LAMA2: variants seen among roughly 807,000 people sequenced by gnomAD.
The protein encoded by LAMA2 is laminin subunit alpha 2, also known as laminin subunit alpha-2.
Under a neutral mutation model 364.8 loss-of-function variants are expected in LAMA2, and 269 were observed. That is an observed-to-expected ratio of 0.74 (90% CI 0.67 to 0.82). The LOEUF (loss-of-function observed/expected upper bound fraction) is 0.82. Among genes scored for constraint, LAMA2 ranks in the 40% least tolerant of loss-of-function variants. The probability of loss-of-function intolerance (pLI) is 0.00; values close to 1 mark genes in which losing one functional copy is unlikely to be tolerated. For synonymous variants in LAMA2, 1,379 were observed against 1,370.6 expected (o/e 1.01, Z -0.14); for missense variants, 3,807 against 3,873.2 (o/e 0.98, Z 0.45).
At chr6:129,383,073 A>T in intron 34 of LAMA2, 49 bp from the exon 35 acceptor site, 2 of 1,427,534 alleles carry the variant, frequency 1.4e-6, no homozygotes, top group Middle Eastern at 1.7e-4. Flanking sequence ...ATCTAGCTGT[A>T]GCTTCATCAT....
At chr6:129,364,037 CTT>C (rs1277741669) in intron 32 of LAMA2, among the ~76,000 whole-genome samples, 1 of 152,164 alleles carries the variant, frequency 6.6e-6, no homozygotes, top group African/African-American at 2.4e-5. Context: ...TCCAAAGCCT[CTT>C]TGTTCATTCA....
intron 47 of LAMA2, among the ~76,000 whole-genome samples, chr6:129,455,440 A>G (rs896305104): frequency 1.3e-5 from 2 of 152,166 alleles, no homozygotes; most frequent in African/African-American, 4.8e-5. Context: ...CTTTCAGAAA[A>G]GATACATTCT....
chr6:129,017,635 T>C (rs1265999380), intron 1 of LAMA2, among the ~76,000 whole-genome samples: 2 of 152,066 alleles, frequency 1.3e-5, no homozygotes, highest in African/African-American at 4.8e-5. Flanking sequence ...ATTACTGCCA[T>C]TGACTAGCCA....
At chr6:129,452,897 G>A (rs2114788266) in intron 45 of LAMA2, 91 bp from the exon 46 acceptor site, 1 of 1,143,760 alleles carries the variant, frequency 8.7e-7, no homozygotes, top group East Asian at 2.4e-5. Context: ...CTTCAAAGAA[G>A]AAACGATGAT....
At chr6:128,905,704 T>A (rs1777410291) in intron 1 of LAMA2, 1 of 152,004 alleles carries the variant, frequency 6.6e-6, no homozygotes, top group African/African-American at 2.4e-5. Context: ...TACATATGTA[T>A]ACATGTGCCA....
In LAMA2 at chr6:129,098,320, A is replaced by G. The variant is rs757248849; in HGVS notation, c.544A>G (p.Ile182Val). ...CACGGAGTGCCTAACGCTTTACAAT[A>G]TTTATCCCCGCACTGGGCCACCGTC... The part of the protein sequence containing the change: ...TDTECLTLYN[I>V]YPRTGPPSYA... The change falls in exon 4 of 65, where the codon ATT becomes GTT. Residue 182 changes from isoleucine (I) to valine (V), a missense_variant. Around this residue, in one of 3 missense-constraint regions of LAMA2, gnomAD observed 394 missense variants for 403.5 expected, o/e 0.98. Coordinates refer to ENST00000421865, the MANE Select transcript of LAMA2 (RefSeq NM_000426.4). The G allele has an allele frequency of 6.2e-7, 1 of 1,614,058 alleles. No homozygotes were observed. The highest frequency in any genetic ancestry group is 8.5e-7 in the Non-Finnish European group (1 of 1,180,002).
intron 1 of LAMA2, among the ~76,000 whole-genome samples, chr6:128,995,228 A>G (rs1729405669): frequency 6.6e-6 from 1 of 152,216 alleles, no homozygotes; most frequent in African/African-American, 2.4e-5. Context: ...ATCAGGGAGT[A>G]CATGTGCAGG....
intron 12 of LAMA2, among the ~76,000 whole-genome samples, chr6:129,198,922 T>C (rs1782010158): frequency 1.3e-5 from 2 of 152,130 alleles, no homozygotes; most frequent in South Asian, 4.1e-4. Context: ...GCAAGTAATA[T>C]CAATCAAAAT....
chr6:128,887,893 C>CAA (rs1280848694), intron 1 of LAMA2, among the ~76,000 whole-genome samples: 2 of 151,928 alleles, frequency 1.3e-5, no homozygotes, highest in African/African-American at 2.4e-5. Context: ...CAAAACAAAA[C>CAA]AAAAATTTAA....
intron 29 of LAMA2, among the ~76,000 whole-genome samples, chr6:129,333,163 A>T (rs949781840): frequency 1.3e-5 from 2 of 152,146 alleles, no homozygotes; most frequent in African/African-American, 4.8e-5. Flanking sequence ...AAGTTCAGGG[A>T]TTACAGGCAT....
At chr6:129,011,478 C>T (rs1324908444) in intron 1 of LAMA2, among the ~76,000 whole-genome samples, 2 of 152,078 alleles carry the variant, frequency 1.3e-5, no homozygotes. Context: ...ATCAAATAAC[C>T]GTGACTTGTC....
chr6:129,314,306 G>A (rs372389941), intron 23 of LAMA2, among the ~76,000 whole-genome samples: 105 of 148,952 alleles, frequency 7.0e-4, no homozygotes, highest in African/African-American at 2.3e-3. Flanking sequence ...GGCTGAGGCC[G>A]GAGAATGGTG....
intron 9 of LAMA2, among the ~76,000 whole-genome samples, chr6:129,175,708 G>A (rs1425303394): frequency 1.3e-5 from 2 of 152,090 alleles, no homozygotes; most frequent in African/African-American, 4.8e-5. Context: ...GGGGTCTAGG[G>A]GAGGAACAGC....
intron 1 of LAMA2, among the ~76,000 whole-genome samples, chr6:128,944,391 A>G (rs1006008486): frequency 6.2e-4 from 95 of 152,354 alleles, no homozygotes; most frequent in African/African-American, 2.2e-3. Context: ...AAATCTGGAA[A>G]ATATAAACCT....
At chr6:128,982,272 A>T (rs779684833) in intron 1 of LAMA2, among the ~76,000 whole-genome samples, 20 of 152,160 alleles carry the variant, frequency 1.3e-4, no homozygotes, top group Non-Finnish European at 2.4e-4. Context: ...AAACACCAAC[A>T]CAGGTTTGTT....
rs879157624 is a variant in LAMA2 at position 129,366,423 on chromosome 6, A to G, written c.4860+62A>G. 5 of 1,554,012 alleles carry G rather than the reference A, an allele frequency of 3.2e-6. No individual in the cohort carries two copies. The Admixed American group carries it at 7.0e-5, about 22-fold the overall frequency. On this transcript the variant is annotated intron_variant, in intron 33 of 64. Coordinates refer to ENST00000421865, the MANE Select transcript of LAMA2 (RefSeq NM_000426.4). ...AGGTGACAGAAGCTTCACAAGCGGT[A>G]TTGGCTGTAATTGGTAAATGTTCTT...
intron 15 of LAMA2, 143 bp downstream of exon 15, chr6:129,260,965 T>A (rs1413806901): frequency 3.1e-6 from 2 of 654,888 alleles, no homozygotes; most frequent in African/African-American, 1.8e-5. Context: ...CTTGAATATC[T>A]ACCAAAAGCT....
rs1303773212 is a variant in LAMA2 at position 129,192,728 on chromosome 6, C to T, written c.1657C>T (p.Arg553Ter). The change falls in exon 12 of 65, where the codon CGA becomes TGA. Residue 553 changes from arginine to a stop codon, truncating the protein, a stop_gained. Coordinates refer to ENST00000421865, the MANE Select transcript of LAMA2 (RefSeq NM_000426.4). LOFTEE classifies it high-confidence loss of function. ...TCTGACTGACCTTCCTGGCCGCATTCGAGTGGCTCCCCAGCAGGACGACTT... is the reference window on the plus strand; with the variant it reads ...TCTGACTGACCTTCCTGGCCGCATTTGAGTGGCTCCCCAGCAGGACGACTT... ...WYLTDLPGRI[R>*]VAPQQDDLDS... is the part of the protein sequence containing the mutation. 3.1e-6 allele frequency: 5 copies of T among 1,614,162 alleles called. No individual in the cohort carries two copies. The highest frequency in any genetic ancestry group is 4.2e-6 in the Non-Finnish European group (5 of 1,180,012).
At chr6:128,997,764 C>T (rs1784080593) in intron 1 of LAMA2, among the ~76,000 whole-genome samples, 2 of 152,080 alleles carry the variant, frequency 1.3e-5, no homozygotes, top group Non-Finnish European at 1.5e-5. Context: ...CATTGCACTC[C>T]AGCCTGGCCA....
Sources: gnomAD v4.1 joint callset for allele counts (sites outside exome capture counted in the v4.1 genomes callset) on GRCh38, gnomAD v4.1.1 for gene constraint, gnomAD v4.1.1 regional missense constraint, MANE v1.5 for transcripts, NCBI Gene and HGNC (gene_info 2026-07-23, HGNC 2026-07-21) for gene names.